The following FSD2 variants were observed in gnomAD, a reference collection of about 807,000 sequenced individuals.
FSD2 encodes fibronectin type III and SPRY domain-containing protein 2.
Under a neutral mutation model 80.4 loss-of-function variants are expected in FSD2, and 71 were observed. The observed-to-expected ratio is 0.88, with a 90% CI of 0.73 to 1.08. The LOEUF (loss-of-function observed/expected upper bound fraction) is 1.08, where lower values mean the gene tolerates loss of function less well. FSD2 is among the 50% of genes least tolerant of loss of function. The pLI, the probability that FSD2 is intolerant of heterozygous loss-of-function variation, is 0.00. For missense variants in FSD2, 923 were observed against 913.8 expected, an observed-to-expected ratio of 1.01 and a Z score of -0.13; for synonymous variants, 361 against 329.5, an observed-to-expected ratio of 1.10 and a Z score of -1.03.
chr15:82,784,731 G>A (rs573156262), intron 3 of FSD2, among the ~76,000 whole-genome samples: 10 of 152,264 alleles, frequency 6.6e-5, no homozygotes, highest in Non-Finnish European at 1.3e-4. Flanking sequence ...CTGGGGCTTC[G>A]TTGATTCATA....
Position 82,767,303 on chromosome 15 carries a change from A to T in FSD2, c.1554-1272T>A, listed in dbSNP as rs564360933. ...AGCAGAGCTCTGAAGAATGCTGAGG[A>T]GGTAACTGGATGAAAAAGGGACAGA... is the stretch of plus-strand genomic sequence containing the variant. On this transcript the variant is annotated intron_variant, in intron 9 of 12. Transcript: ENST00000334574. Among the ~76,000 whole-genome samples, 67 of 152,300 alleles carry T rather than the reference A, an allele frequency of 4.4e-4. 1 individual carries two copies. The highest frequency in any genetic ancestry group is 1.6e-3 in the African/African-American group (67 of 41,562).
intron 9 of FSD2, 91 bp downstream of exon 9, chr15:82,768,789 A>G (rs775756725): frequency 4.1e-6 from 5 of 1,213,218 alleles, no homozygotes; most frequent in Admixed American, 8.2e-5. Flanking sequence ...AAAAATGCCA[A>G]CCTTCTCTTC....
intron 1 of FSD2, among the ~76,000 whole-genome samples, chr15:82,804,926 A>G (rs1410982911): frequency 6.6e-6 from 1 of 152,206 alleles, no homozygotes; most frequent in African/African-American, 2.4e-5. Context: ...GGATTTGGGG[A>G]GAAAGGAAAG....
At chr15:82,789,065 C>T (rs1237930151) in intron 1 of FSD2, among the ~76,000 whole-genome samples, 1 of 151,618 alleles carries the variant, frequency 6.6e-6, no homozygotes, top group East Asian at 1.9e-4. Flanking sequence ...GAGGAAAAAT[C>T]CCAAATACAA....
chr15:82,769,065 T>G, intron 8 of FSD2, 35 bp from the exon 9 acceptor site: 2 of 1,496,172 alleles, frequency 1.3e-6, no homozygotes, highest in East Asian at 4.9e-5. Context: ...TGAACAACTG[T>G]TGTGTTCATT....
intron 6 of FSD2, among the ~76,000 whole-genome samples, 174 bp downstream of exon 6, chr15:82,778,592 T>C (rs2049777776): frequency 6.6e-6 from 1 of 152,144 alleles, no homozygotes; most frequent in Non-Finnish European, 1.5e-5. Flanking sequence ...TTATACAAGA[T>C]GGGTAAGTTC....
Position 82,787,584 on chromosome 15 carries a change from C to T in FSD2, c.-78-116G>A, listed in dbSNP as rs1048746346. 8 of 469,972 alleles carry T rather than the reference C, an allele frequency of 1.7e-5. No individual in the cohort carries two copies. In the Admixed American group the frequency reaches 2.0e-4, roughly 12 times the overall value. The allele number at this position is 469,972 out of a possible 1,614,324, so 29.1% of individuals were successfully genotyped here. On this transcript the variant is annotated intron_variant, in intron 1 of 12. Coordinates refer to ENST00000334574, the MANE Select transcript of FSD2 (RefSeq NM_001007122.4). ...AAAAAAATTATCTGTGTAGTTCAGTCGTGGTTTCACTTTGAACCATCTTTA... is the reference window on the plus strand; with the variant it reads ...AAAAAAATTATCTGTGTAGTTCAGTTGTGGTTTCACTTTGAACCATCTTTA...
chr15:82,786,512 T>G lies in FSD2; in HGVS notation c.734A>C (p.Glu245Ala). The change falls in exon 3 of 13, where the codon GAG (glutamate) becomes GCG (alanine). Residue 245 changes from glutamate (E) to alanine (A), a missense_variant and splice_region_variant. Physicochemically the swap from Glu to Ala is moderately radical, Grantham distance 107 (BLOSUM62 -1). Transcript: ENST00000334574. ...TGAGGTCTTCAAGTGTGCTCTTACC[T>G]CCACAGTGATGAAAACCTCCTCCAA... ...NHLEEVFITV[E>A]ENFGKQEQNF... is the part of the protein sequence containing the mutation. 6.2e-7 allele frequency: 1 copy of G among 1,611,196 alleles called. No homozygotes were observed. Among genetic ancestry groups the G allele is most frequent in the Non-Finnish European group, 8.5e-7 (1 of 1,177,764 alleles).
At chr15:82,804,826 G>A (rs1482965423) in intron 1 of FSD2, among the ~76,000 whole-genome samples, 4 of 152,148 alleles carry the variant, frequency 2.6e-5, no homozygotes, top group Admixed American at 6.6e-5. Context: ...ACACAAACTG[G>A]CTCAGTGTCA....
chr15:82,797,531 C>T (rs2050305073), intron 1 of FSD2, among the ~76,000 whole-genome samples: 1 of 152,222 alleles, frequency 6.6e-6, no homozygotes, highest in Non-Finnish European at 1.5e-5. Flanking sequence ...CAATTATTGG[C>T]CAGGCGTGGT....
At position 82,760,715 on chromosome 15, in the gene FSD2, G is replaced by A. The variant is rs532884355; in HGVS notation, c.1998-1115C>T. Among the ~76,000 whole-genome samples, 6 of 123,230 alleles carry A rather than the reference G, an allele frequency of 4.9e-5. No individual in the cohort carries two copies. The South Asian group carries it at 7.5e-4, about 15-fold the overall frequency. 80.8% of individuals were successfully genotyped at this position (123,230 alleles called of 152,430 possible). A position where few individuals can be genotyped will look rare whatever the true frequency, so the allele number is the denominator to read the frequency against. ...CTTACCTTCATTCTCCACTTGTAAC[G>A]TGTGTGCACGTGTGTGCGTGCACGC... On this transcript the variant is annotated intron_variant, in intron 12 of 12. Coordinates refer to ENST00000334574, the MANE Select transcript of FSD2 (RefSeq NM_001007122.4).
At position 82,764,603 on chromosome 15, in the gene FSD2, C is replaced by T. The variant is rs1472629206; in HGVS notation, c.1820+563G>A. Among the ~76,000 whole-genome samples the T allele has an allele frequency of 2.7e-5, 4 of 150,210 alleles. No individual in the cohort carries two copies. In the Admixed American group the frequency reaches 2.7e-4, roughly 10 times the overall value. ...AAGCAATTCTTCTGCCTCAGCCTCC[C>T]GAGTAGCTGGGATTACAGGCACCCG... On this transcript the variant is annotated intron_variant, in intron 11 of 12. Transcript: ENST00000334574.
Position 82,757,301 on chromosome 15 carries a change from C to G in FSD2, c.*2047G>C, listed in dbSNP as rs908961257. 3.3e-5 allele frequency: 5 copies of G among 150,834 alleles called. No homozygotes were observed. The highest frequency in any genetic ancestry group is 7.4e-5 in the Non-Finnish European group (5 of 67,856). The allele number at this position is 150,834 out of a possible 1,614,324, so 9.3% of individuals were successfully genotyped here. A position where few individuals can be genotyped will look rare whatever the true frequency, so the allele number is the denominator to read the frequency against. ...AACCCTGAATTCAAACTTGCCTTCT[C>G]TGTGATATCCTGTTTCTTACTTGGT... On this transcript the variant is annotated 3_prime_UTR_variant, in exon 13 of 13. Coordinates refer to ENST00000334574, the MANE Select transcript of FSD2 (RefSeq NM_001007122.4).
intron 5 of FSD2, among the ~76,000 whole-genome samples, chr15:82,779,658 CTG>C (rs533199369): frequency 1.3e-3 from 196 of 145,630 alleles, no homozygotes; most frequent in African/African-American, 4.9e-3. Flanking sequence ...AAGAACGAAA[CTG>C]TCTCAAAAAA....
chr15:82,793,476 A>G (rs2050195661), intron 1 of FSD2, among the ~76,000 whole-genome samples: 1 of 152,200 alleles, frequency 6.6e-6, no homozygotes, highest in Non-Finnish European at 1.5e-5. Flanking sequence ...ACGTTCCACC[A>G]AACTTCTGGC....
At position 82,757,724 on chromosome 15, in the gene FSD2, G is replaced by A. The variant is rs965469677; in HGVS notation, c.*1624C>T. 6.6e-6 allele frequency: 1 copy of A among 152,332 alleles called. No individual in the cohort carries two copies. 9.4% of individuals were successfully genotyped at this position (152,332 alleles called of 1,614,324 possible). A position where few individuals can be genotyped will look rare whatever the true frequency, so the allele number is the denominator to read the frequency against. On this transcript the variant is annotated 3_prime_UTR_variant, in exon 13 of 13. Coordinates refer to ENST00000334574, the MANE Select transcript of FSD2 (RefSeq NM_001007122.4). ...TACATCTGCTGTCCCTTGTTTCAGA[G>A]TAGACAGTCCAGCTTGGCAGGATAG... is the stretch of plus-strand genomic sequence containing the variant.
chr15:82,761,477 C>T (rs1310461898), intron 12 of FSD2, among the ~76,000 whole-genome samples: 1 of 152,038 alleles, frequency 6.6e-6, no homozygotes, highest in Admixed American at 6.6e-5. Flanking sequence ...GGAACTGGGG[C>T]TTCAAAGCAA....
rs2049203446 is a variant in FSD2, at chr15:82,757,595, G to A, written c.*1753C>T. 2 of 152,204 alleles carry A rather than the reference G, an allele frequency of 1.3e-5. No individual in the cohort carries two copies. The highest frequency in any genetic ancestry group is 1.3e-4 in the Admixed American group (2 of 15,266). 9.4% of individuals were successfully genotyped at this position (152,204 alleles called of 1,614,324 possible). ...GATCCATCCACCTTGGCCCCCCAAAGTGCTGGGATTACAGGCGTGAGCCAC... is the reference window on the plus strand; with the variant it reads ...GATCCATCCACCTTGGCCCCCCAAAATGCTGGGATTACAGGCGTGAGCCAC... On this transcript the variant is annotated 3_prime_UTR_variant, in exon 13 of 13. Transcript: ENST00000334574.
At chr15:82,762,056 C>T in intron 12 of FSD2, 46 bp downstream of exon 12, 2 of 1,478,342 alleles carry the variant, frequency 1.4e-6, no homozygotes, top group African/African-American at 2.8e-5. Context: ...TTGCTGTAAT[C>T]TTTCAAAAGC....
Sources: gnomAD v4.1 joint callset for allele counts (sites outside exome capture counted in the v4.1 genomes callset) on GRCh38, gnomAD v4.1.1 for gene constraint, MANE v1.5 for transcripts, NCBI Gene and HGNC (gene_info 2026-07-23, HGNC 2026-07-21) for gene names.